WFDC9: variants seen among roughly 807,000 people sequenced by gnomAD.
WFDC9 encodes the protein protein WFDC9.
In WFDC9, 9 loss-of-function variants were observed where a neutral mutation model predicts 9.5. That is an observed-to-expected ratio of 0.95 (90% CI 0.57 to 1.65). The LOEUF (loss-of-function observed/expected upper bound fraction) is 1.65. Among genes scored for constraint, WFDC9 ranks in the 40% most tolerant of loss-of-function variants. The probability of loss-of-function intolerance (pLI) is 0.00; values close to 1 mark genes in which losing one functional copy is unlikely to be tolerated. For synonymous variants in WFDC9, 33 were observed against 32.3 expected, an observed-to-expected ratio of 1.02 and a Z score of -0.07; for missense variants, 87 against 106.7, an observed-to-expected ratio of 0.82 and a Z score of 0.81.
intron 2 of WFDC9, among the ~76,000 whole-genome samples, chr20:45,610,456 T>A (rs201531629): frequency 6.6e-6 from 1 of 152,286 alleles, no homozygotes; most frequent in South Asian, 2.1e-4. Flanking sequence ...TCCTGTCTGA[T>A]TAAAAACAAT....
intron 1 of WFDC9, among the ~76,000 whole-genome samples, chr20:45,627,642 A>G (rs1430224028): frequency 6.6e-6 from 1 of 152,118 alleles, no homozygotes; most frequent in Non-Finnish European, 1.5e-5. Flanking sequence ...GCATAAGGTG[A>G]GATATGGGGA....
intron 1 of WFDC9, chr20:45,629,793 G>A (rs1241668150): frequency 6.2e-7 from 1 of 1,611,118 alleles, no homozygotes; most frequent in African/African-American, 1.3e-5. Context: ...CAGACATAGG[G>A]CTCACGATCT....
At chr20:45,627,752 A>T (rs1600924829) in intron 1 of WFDC9, among the ~76,000 whole-genome samples, 1 of 152,136 alleles carries the variant, frequency 6.6e-6, no homozygotes, top group East Asian at 1.9e-4. Flanking sequence ...TATATATTTT[A>T]ATTTGAAATT....
intron 1 of WFDC9, among the ~76,000 whole-genome samples, chr20:45,618,829 A>T (rs191500557): frequency 2.6e-5 from 4 of 152,268 alleles, no homozygotes; most frequent in Admixed American, 2.0e-4. Flanking sequence ...ACACAAAGAC[A>T]TAAGTGAGAA....
At chr20:45,616,660 A>G (rs747399248) in intron 1 of WFDC9, among the ~76,000 whole-genome samples, 6 of 152,220 alleles carry the variant, frequency 3.9e-5, no homozygotes, top group Non-Finnish European at 7.3e-5. Context: ...TTGAAAGTCA[A>G]AATTATCTCT....
chr20:45,622,723 G>C (rs1379996233), intron 1 of WFDC9, among the ~76,000 whole-genome samples: 2 of 152,048 alleles, frequency 1.3e-5, no homozygotes, highest in African/African-American at 4.8e-5. Flanking sequence ...GGAAATAAAT[G>C]ATGCCAATAT....
intron 1 of WFDC9, among the ~76,000 whole-genome samples, chr20:45,623,558 C>G (rs1356698460): frequency 1.3e-5 from 2 of 150,864 alleles, no homozygotes; most frequent in Admixed American, 1.3e-4. Context: ...ACTCAGGGGG[C>G]GGAGGTTGCA....
chr20:45,609,095 T>C (rs1378802776), intron 3 of WFDC9, among the ~76,000 whole-genome samples: 1 of 152,212 alleles, frequency 6.6e-6, no homozygotes, highest in Non-Finnish European at 1.5e-5. Flanking sequence ...TATTCTCATG[T>C]AACCTTAGAT....
At chr20:45,618,558 C>T (rs1471517675) in intron 1 of WFDC9, among the ~76,000 whole-genome samples, 5 of 151,954 alleles carry the variant, frequency 3.3e-5, no homozygotes, top group African/African-American at 9.7e-5. Context: ...GAGTCTGTTG[C>T]GGGGTTATTA....
At chr20:45,623,595 C>G (rs760906430) in intron 1 of WFDC9, among the ~76,000 whole-genome samples, 2 of 151,690 alleles carry the variant, frequency 1.3e-5, no homozygotes, top group Non-Finnish European at 2.9e-5. Context: ...CCACTTCACT[C>G]CAGCCTGGGC....
chr20:45,617,535 T>G (rs1693826543), intron 1 of WFDC9, among the ~76,000 whole-genome samples: 1 of 152,238 alleles, frequency 6.6e-6, no homozygotes. Flanking sequence ...TGTTTTATTT[T>G]TAATTTTAGA....
chr20:45,623,249 C>T (rs1416157188), intron 1 of WFDC9, among the ~76,000 whole-genome samples: 1 of 152,170 alleles, frequency 6.6e-6, no homozygotes, highest in Non-Finnish European at 1.5e-5. Flanking sequence ...CAAAATTAAT[C>T]TGGATGTTGT....
intron 1 of WFDC9, chr20:45,630,858 TCTC>T: frequency 1.3e-6 from 2 of 1,588,354 alleles, no homozygotes; most frequent in Non-Finnish European, 1.7e-6. Flanking sequence ...ACCGTTCTAT[TCTC>T]CTTGTCAGAA....
chr20:45,624,655 A>C (rs905463993), intron 1 of WFDC9, among the ~76,000 whole-genome samples: 6 of 152,214 alleles, frequency 3.9e-5, no homozygotes, highest in Non-Finnish European at 7.3e-5. Context: ...CATTCTCCAT[A>C]GTGACTGTAC....
rs773166466 is a variant in WFDC9 at position 45,608,648 on chromosome 20, C to T, written c.239+15G>A. On this transcript the variant is annotated intron_variant, in intron 4 of 4. Coordinates refer to ENST00000326000, the MANE Select transcript of WFDC9 (RefSeq NM_147198.4). The stretch of plus-strand genomic sequence containing the variant: ...GCATGCCCAGGCCCTAGCCTTCCCA[C>T]CCCAACCAACTCACTCGTTGTCTAA... The T allele has an allele frequency of 1.2e-6, 2 of 1,607,470 alleles. No homozygotes were observed. Among genetic ancestry groups the T allele is most frequent in the Non-Finnish European group, 8.5e-7 (1 of 1,176,604 alleles).
intron 1 of WFDC9, chr20:45,629,861 G>A: frequency 6.2e-7 from 1 of 1,614,112 alleles, no homozygotes; most frequent in Non-Finnish European, 8.5e-7. Flanking sequence ...GTGTGCTGCT[G>A]CTGCAGGCCC....
intron 1 of WFDC9, among the ~76,000 whole-genome samples, chr20:45,627,680 T>G (rs1982251555): frequency 6.6e-6 from 1 of 152,222 alleles, no homozygotes; most frequent in Non-Finnish European, 1.5e-5. Flanking sequence ...ATGCCCTCCA[T>G]GAGCATGCTG....
At chr20:45,612,416 A>G (rs1350715592) in intron 2 of WFDC9, among the ~76,000 whole-genome samples, 1 of 152,048 alleles carries the variant, frequency 6.6e-6, no homozygotes, top group African/African-American at 2.4e-5. Flanking sequence ...ACAGACAAAA[A>G]TCCTCCCATT....
At chr20:45,625,764 C>T (rs1307865678) in intron 1 of WFDC9, among the ~76,000 whole-genome samples, 1 of 147,726 alleles carries the variant, frequency 6.8e-6, no homozygotes, top group East Asian at 2.0e-4. Flanking sequence ...TGTCAAAAAG[C>T]AGTTGGCTAT....
Sources: gnomAD v4.1 joint callset for allele counts (sites outside exome capture counted in the v4.1 genomes callset) on GRCh38, gnomAD v4.1.1 for gene constraint, MANE v1.5 for transcripts, NCBI Gene and HGNC (gene_info 2026-07-23, HGNC 2026-07-21) for gene names.